Variants in DCAF1 observed in about 807,000 individuals in gnomAD.
DCAF1 encodes the protein DDB1- and CUL4-associated factor 1.
A neutral mutation model predicts 128.0 loss-of-function variants in DCAF1; 15 were observed. The observed-to-expected ratio is 0.12, with a 90% CI of 0.08 to 0.18. The LOEUF (loss-of-function observed/expected upper bound fraction) is 0.18, where lower values mean the gene tolerates loss of function less well. Among genes scored for constraint, DCAF1 ranks in the 10% least tolerant of loss-of-function variants. The pLI, the probability that DCAF1 is intolerant of heterozygous loss-of-function variation, is 1.00. For missense variants in DCAF1, 988 were observed against 1,649.5 expected, an observed-to-expected ratio of 0.60 and a Z score of 6.95; for synonymous variants, 610 against 603.0, an observed-to-expected ratio of 1.01 and a Z score of -0.17.
At chr3:51,398,943 C>G (rs1399027142) in intron 24 of DCAF1, 116 bp from the exon 25 acceptor site, 1 of 1,321,400 alleles carries the variant, frequency 7.6e-7, no homozygotes, top group Non-Finnish European at 1.0e-6. Flanking sequence ...CTACCAGTTT[C>G]CAGAAAGAAG....
chr3:51,428,997 C>T (rs1213688016), intron 12 of DCAF1, among the ~76,000 whole-genome samples: 3 of 151,664 alleles, frequency 2.0e-5, no homozygotes, highest in Non-Finnish European at 4.4e-5. Flanking sequence ...AGACGTATCT[C>T]AAAAAGAAAA....
chr3:51,436,077 C>T (rs1700801390), intron 9 of DCAF1, among the ~76,000 whole-genome samples: 1 of 152,204 alleles, frequency 6.6e-6, no homozygotes, highest in Non-Finnish European at 1.5e-5. Context: ...AAAACTTCTG[C>T]TTCAAGACGT....
chr3:51,481,858 C>T (rs543482004), intron 3 of DCAF1, among the ~76,000 whole-genome samples: 19 of 151,980 alleles, frequency 1.3e-4, no homozygotes, highest in Non-Finnish European at 2.1e-4. Flanking sequence ...AGCGTCGTGG[C>T]GGGCACCTGT....
Position 51,420,196 on chromosome 3 carries a change from G to A in DCAF1, c.2774C>T (p.Ser925Phe), listed in dbSNP as rs1553631980. 1 of 1,614,050 alleles carries A rather than the reference G, an allele frequency of 6.2e-7. No homozygotes were observed. The highest frequency in any genetic ancestry group is 8.5e-7 in the Non-Finnish European group (1 of 1,179,904). The change falls in exon 15 of 25, where the codon TCT becomes TTT. Residue 925 changes from serine to phenylalanine, a missense_variant. Transcript: ENST00000684031. The surrounding 1 kb of genome is among the most constrained non-coding windows in gnomAD (Gnocchi z 6.5). ...TGGCTGAGGATGAGCAGTAGGGGCA[G>A]AAGGCGCAGAGGCACCCACAGCAGC... Reference protein sequence around the residue: ...SHAAVGASAPSAPTAHPQPRP... With the variant: ...SHAAVGASAPFAPTAHPQPRP...
At chr3:51,489,319 G>A (rs1707346031) in intron 2 of DCAF1, among the ~76,000 whole-genome samples, 1 of 151,950 alleles carries the variant, frequency 6.6e-6, no homozygotes, top group Admixed American at 6.6e-5. Context: ...TGTAATCCCA[G>A]GTATTCAGTA....
At chr3:51,400,549 C>T (rs545389136) in intron 24 of DCAF1, among the ~76,000 whole-genome samples, 1 of 152,302 alleles carries the variant, frequency 6.6e-6, no homozygotes, top group Non-Finnish European at 1.5e-5. Context: ...AAGTAACTGT[C>T]AGGCTCAAGG....
chr3:51,487,075 G>A (rs1475566409), intron 2 of DCAF1, among the ~76,000 whole-genome samples: 3 of 151,456 alleles, frequency 2.0e-5, no homozygotes, highest in African/African-American at 4.9e-5. Flanking sequence ...TCAAGCGAGC[G>A]ATTCTCCCAC....
chr3:51,413,809 C>G lies in DCAF1; in HGVS notation c.3931+141G>C, dbSNP rs137998310. 157 of 1,111,248 alleles carry G rather than the reference C, an allele frequency of 1.4e-4. No individual in the cohort carries two copies. In the African/African-American group the frequency reaches 2.4e-3, roughly 17 times the overall value. 68.8% of individuals were successfully genotyped at this position (1,111,248 alleles called of 1,614,324 possible). On this transcript the variant is annotated intron_variant, in intron 20 of 24. Transcript: ENST00000684031. ...TTCATATCTTTTGTCACCATTCATACTATCAATTTTTTATCTTTTATGTTA... is the reference window on the plus strand; with the variant it reads ...TTCATATCTTTTGTCACCATTCATAGTATCAATTTTTTATCTTTTATGTTA...
intron 6 of DCAF1, among the ~76,000 whole-genome samples, chr3:51,462,905 C>T (rs1008964006): frequency 6.6e-6 from 1 of 151,576 alleles, no homozygotes; most frequent in African/African-American, 2.4e-5. Context: ...GCTCACTGGG[C>T]AATACAGCAA....
At chr3:51,482,210 C>T (rs1195578378) in intron 3 of DCAF1, among the ~76,000 whole-genome samples, 7 of 151,658 alleles carry the variant, frequency 4.6e-5, no homozygotes, top group African/African-American at 7.3e-5. Flanking sequence ...TTTGGGAGGC[C>T]GAGACAGGAG....
At chr3:51,406,037 GAAAACAAAAACA>G (rs1176512645) in intron 23 of DCAF1, among the ~76,000 whole-genome samples, 2 of 150,284 alleles carry the variant, frequency 1.3e-5, no homozygotes, top group African/African-American at 2.5e-5. Context: ...CCATTTCTTT[GAAAACAAAAACA>G]AAAACAAAAA....
Position 51,403,404 on chromosome 3 carries a change from A to G in DCAF1, c.4213-9T>C. ...TCCTGTTCTTCCTCTTCCTGGTAAG[A>G]AAGCGTAATGTTCATTAGTACAAAC... On this transcript the variant is annotated splice_polypyrimidine_tract_variant and intron_variant, in intron 23 of 24. Coordinates refer to ENST00000684031, the MANE Select transcript of DCAF1 (RefSeq NM_001387579.1). 6.4e-7 allele frequency: 1 copy of G among 1,551,934 alleles called. No homozygotes were observed. Among genetic ancestry groups the G allele is most frequent in the African/African-American group, 1.4e-5 (1 of 73,170 alleles).
At chr3:51,457,587 G>A (rs1553643221) in intron 6 of DCAF1, among the ~76,000 whole-genome samples, 1 of 152,074 alleles carries the variant, frequency 6.6e-6, no homozygotes, top group Non-Finnish European at 1.5e-5. Flanking sequence ...TCCTCAAGAA[G>A]AGCAACTCCA....
intron 4 of DCAF1, among the ~76,000 whole-genome samples, chr3:51,468,402 C>T (rs968839617): frequency 2.0e-5 from 3 of 152,062 alleles, no homozygotes; most frequent in Non-Finnish European, 4.4e-5. Flanking sequence ...GAACTCCTGA[C>T]CTCAGGTGAT....
At chr3:51,421,868 CTTACTTTG>C (rs1444899708) in intron 14 of DCAF1, among the ~76,000 whole-genome samples, 1 of 9,970 alleles carries the variant, frequency 1.0e-4, no homozygotes, top group African/African-American at 1.6e-4. Context: ...TACAAAACTG[CTTACTTTG>C]TTGTTTTTTT....
At chr3:51,490,612 A>C (rs1707521641) in intron 2 of DCAF1, among the ~76,000 whole-genome samples, 1 of 152,128 alleles carries the variant, frequency 6.6e-6, no homozygotes, top group South Asian at 2.1e-4. Context: ...TCTACAAATA[A>C]AATGCAATCG....
upstream of DCAF1, among the ~76,000 whole-genome samples, chr3:51,504,769 C>T (rs1708901727): frequency 6.6e-6 from 1 of 152,134 alleles, no homozygotes; most frequent in East Asian, 1.9e-4. Context: ...GGCAGACCCT[C>T]ATGATGACTC....
At chr3:51,478,220 G>C (rs1224529332) in intron 3 of DCAF1, among the ~76,000 whole-genome samples, 1 of 152,100 alleles carries the variant, frequency 6.6e-6, no homozygotes, top group East Asian at 1.9e-4. Flanking sequence ...GCCCAGGCTG[G>C]TTTTGAGCTC....
Position 51,418,218 on chromosome 3 carries a change from G to C in DCAF1, c.3436-20C>G, listed in dbSNP as rs375516547. 2 of 1,599,448 alleles carry C rather than the reference G, an allele frequency of 1.3e-6. No individual in the cohort carries two copies. Among genetic ancestry groups the C allele is most frequent in the Non-Finnish European group, 1.7e-6 (2 of 1,173,332 alleles). On this transcript the variant is annotated intron_variant, in intron 16 of 24. Coordinates refer to ENST00000684031, the MANE Select transcript of DCAF1 (RefSeq NM_001387579.1). Reference sequence around the variant, plus strand: ...CCCATCCTAAAAGAAAAAGGCGCAAGGTGGGTAACCACGTATTTACATACA... The same window carrying C: ...CCCATCCTAAAAGAAAAAGGCGCAACGTGGGTAACCACGTATTTACATACA...
Sources: gnomAD v4.1 joint callset for allele counts (sites outside exome capture counted in the v4.1 genomes callset) on GRCh38, gnomAD v4.1.1 for gene constraint, Gnocchi (gnomAD v3.1) non-coding constraint, MANE v1.5 for transcripts, NCBI Gene and HGNC (gene_info 2026-07-23, HGNC 2026-07-21) for gene names.